TLE4: variants seen among roughly 807,000 people sequenced by gnomAD.
The protein encoded by TLE4 is TLE family member 4, transcriptional corepressor, also known as transducin-like enhancer protein 4.
A neutral mutation model predicts 92.8 loss-of-function variants in TLE4; 8 were observed. That is an observed-to-expected ratio of 0.09 (90% CI 0.05 to 0.16). The LOEUF (loss-of-function observed/expected upper bound fraction) is 0.16, where lower values mean the gene tolerates loss of function less well. TLE4 is among the 10% of genes least tolerant of loss of function. TLE4 has a pLI of 1.00. For missense variants in TLE4, 675 were observed against 997.6 expected (o/e 0.68, Z 4.36); for synonymous variants, 371 against 374.1 (o/e 0.99, Z 0.10).
chr9:79,590,299 T>A (rs1019540515), intron 4 of TLE4, among the ~76,000 whole-genome samples: 6 of 152,174 alleles, frequency 3.9e-5, no homozygotes, highest in African/African-American at 1.4e-4. Flanking sequence ...AATGAAGAAA[T>A]TGTGTCCCCA....
chr9:79,659,328 C>T (rs997780041), intron 8 of TLE4, among the ~76,000 whole-genome samples: 8 of 151,996 alleles, frequency 5.3e-5, no homozygotes, highest in Non-Finnish European at 1.2e-4. Flanking sequence ...TTTTCTTTGC[C>T]GAAGTATTTG....
chr9:79,593,406 A>T (rs2043160610), intron 4 of TLE4, among the ~76,000 whole-genome samples: 1 of 152,138 alleles, frequency 6.6e-6, no homozygotes. Context: ...TGACATAATC[A>T]TCAGCAAGCA....
chr9:79,702,743 C>T (rs188703031), intron 8 of TLE4, among the ~76,000 whole-genome samples: 1 of 152,274 alleles, frequency 6.6e-6, no homozygotes. Flanking sequence ...GTCCCCAGCC[C>T]GCCCAGTGGG....
At chr9:79,686,000 A>T (rs1398054971) in intron 8 of TLE4, among the ~76,000 whole-genome samples, 1 of 152,220 alleles carries the variant, frequency 6.6e-6, no homozygotes, top group Non-Finnish European at 1.5e-5. Flanking sequence ...AAAAGTTCAA[A>T]TAAAAATACA....
At chr9:79,642,494 T>G (rs1451799155) in intron 6 of TLE4, among the ~76,000 whole-genome samples, 1 of 151,978 alleles carries the variant, frequency 6.6e-6, no homozygotes, top group Non-Finnish European at 1.5e-5. Context: ...TCCCTTAGCT[T>G]GGTGACTTTA....
chr9:79,586,588 C>T (rs2041163809), intron 4 of TLE4, among the ~76,000 whole-genome samples: 2 of 152,106 alleles, frequency 1.3e-5, no homozygotes, highest in African/African-American at 4.8e-5. Context: ...AGCTTGACAT[C>T]TCAAGTCCTC....
At chr9:79,576,033 G>A in intron 3 of TLE4, 100 bp from the exon 4 acceptor site, 1 of 732,578 alleles carries the variant, frequency 1.4e-6, no homozygotes, top group Non-Finnish European at 2.0e-6. Flanking sequence ...TTTAGGTGAG[G>A]CTTTTATGTT....
At chr9:79,625,654 A>C (rs993542461) in intron 5 of TLE4, among the ~76,000 whole-genome samples, 1 of 152,104 alleles carries the variant, frequency 6.6e-6, no homozygotes, top group Non-Finnish European at 1.5e-5. Context: ...TGTTTGGCAC[A>C]TAGTAAGTGC....
Position 79,718,830 on chromosome 9 carries a change from C to T in TLE4, c.1449C>T (p.Thr483=), listed in dbSNP as rs747054323. 1 of 1,614,066 alleles carries T rather than the reference C, an allele frequency of 6.2e-7. No individual in the cohort carries two copies. The highest frequency in any genetic ancestry group is 8.5e-7 in the Non-Finnish European group (1 of 1,180,048). Reference sequence around the variant, plus strand: ...CCCGGCATGCTCGCCAGATCAACACCCTCAACCACGGGGAGGTGGTGTGCG... The same window carrying T: ...CCCGGCATGCTCGCCAGATCAACACTCTCAACCACGGGGAGGTGGTGTGCG... The part of the protein sequence containing the change: ...GIPRHARQIN[T]LNHGEVVCAV... The change falls in exon 15 of 20, where the codon ACC becomes ACT. Residue 483 remains threonine, a synonymous_variant. Coordinates refer to ENST00000376552, the MANE Select transcript of TLE4 (RefSeq NM_007005.6).
intron 6 of TLE4, among the ~76,000 whole-genome samples, chr9:79,637,212 C>T (rs889815691): frequency 1.3e-5 from 2 of 152,028 alleles, no homozygotes; most frequent in African/African-American, 4.8e-5. Flanking sequence ...AAAAAGGTAA[C>T]TAAATATAGT....
At chr9:79,723,346 TTG>T (rs71822642) in intron 19 of TLE4, among the ~76,000 whole-genome samples, 15,811 of 152,270 alleles carry the variant, frequency 0.1, 918 homozygotes, top group African/African-American at 0.14. Context: ...TGTATGTCTT[TTG>T]TAATTTTTAA....
At position 79,572,511 on chromosome 9, in the gene TLE4, G is replaced by C. The variant is rs1203501714; in HGVS notation, c.-280G>C. ...CTCGGCGGGTGCGCCTCGGCGGAGCGAACGTCGGAGCGTTGCCTTGGGAGA... is the reference window on the plus strand; with the variant it reads ...CTCGGCGGGTGCGCCTCGGCGGAGCCAACGTCGGAGCGTTGCCTTGGGAGA... On this transcript the variant is annotated 5_prime_UTR_variant, in exon 1 of 20. Transcript: ENST00000376552. 1 of 156,672 alleles carries C rather than the reference G, an allele frequency of 6.4e-6. No individual in the cohort carries two copies. 9.7% of individuals were successfully genotyped at this position (156,672 alleles called of 1,614,324 possible).
At chr9:79,721,996 C>T (rs945950453) in intron 17 of TLE4, 108 bp downstream of exon 17, 48 of 1,461,700 alleles carry the variant, frequency 3.3e-5, no homozygotes, top group Non-Finnish European at 4.2e-5. Context: ...GAAACCCCAT[C>T]TCTACTAAAA....
At chr9:79,703,649 C>T (rs2135854880) in intron 8 of TLE4, among the ~76,000 whole-genome samples, 1 of 152,332 alleles carries the variant, frequency 6.6e-6, no homozygotes, top group Non-Finnish European at 1.5e-5. Flanking sequence ...AGAGGTGAAG[C>T]ATACAGGCTG....
At chr9:79,666,064 A>C (rs897229440) in intron 8 of TLE4, among the ~76,000 whole-genome samples, 1 of 152,124 alleles carries the variant, frequency 6.6e-6, no homozygotes, top group Non-Finnish European at 1.5e-5. Flanking sequence ...GGTGGTAAAA[A>C]GTAGAAATTC....
intron 6 of TLE4, among the ~76,000 whole-genome samples, chr9:79,641,461 G>A (rs1052321980): frequency 6.6e-6 from 1 of 152,114 alleles, no homozygotes; most frequent in Non-Finnish European, 1.5e-5. Flanking sequence ...AACCCTTAGT[G>A]TGCACAGCCT....
At chr9:79,685,536 T>G (rs2065665635) in intron 8 of TLE4, among the ~76,000 whole-genome samples, 1 of 152,180 alleles carries the variant, frequency 6.6e-6, no homozygotes, top group South Asian at 2.1e-4. Context: ...GTGATTGTAG[T>G]AACAGAATTG....
At chr9:79,693,485 G>A (rs766391991) in intron 8 of TLE4, 5 of 312,224 alleles carry the variant, frequency 1.6e-5, no homozygotes, top group Non-Finnish European at 2.5e-5. Context: ...GCATTAGGTT[G>A]TGGGATCTTC....
Position 79,720,300 on chromosome 9 carries a change from T to G in TLE4, c.1838+7T>G, listed in dbSNP as rs1404943579. On this transcript the variant is annotated splice_region_variant and intron_variant, in intron 16 of 19. Coordinates refer to ENST00000376552, the MANE Select transcript of TLE4 (RefSeq NM_007005.6). ...ACAACCAGACCTTGGTGAGGTAGGT[T>G]AGCAGGATCTGTTACCAGGTTGTGA... The G allele has an allele frequency of 6.2e-7, 1 of 1,605,160 alleles. No individual in the cohort carries two copies. The highest frequency in any genetic ancestry group is 8.5e-7 in the Non-Finnish European group (1 of 1,173,662).
Sources: gnomAD v4.1 joint callset for allele counts (sites outside exome capture counted in the v4.1 genomes callset) on GRCh38, gnomAD v4.1.1 for gene constraint, MANE v1.5 for transcripts, NCBI Gene and HGNC (gene_info 2026-07-23, HGNC 2026-07-21) for gene names.